Variants in CDH8 observed in about 807,000 individuals in gnomAD.
The protein encoded by CDH8 is cadherin 8.
In CDH8, 17 loss-of-function variants were observed where a neutral mutation model predicts 68.1. That is an observed-to-expected ratio of 0.25 (90% CI 0.17 to 0.37). The LOEUF (loss-of-function observed/expected upper bound fraction) is 0.37. Among genes scored for constraint, CDH8 ranks in the 10% least tolerant of loss-of-function variants. The pLI, the probability that CDH8 is intolerant of heterozygous loss-of-function variation, is 1.00. For synonymous variants in CDH8, 372 were observed against 365.1 expected (o/e 1.02, Z -0.21); for missense variants, 763 against 999.3 (o/e 0.76, Z 3.19).
intron 10 of CDH8, among the ~76,000 whole-genome samples, chr16:61,704,092 A>G (rs1411543459): frequency 6.6e-6 from 1 of 152,180 alleles, no homozygotes; most frequent in African/African-American, 2.4e-5. Context: ...TTGTCTTTAA[A>G]AAACTTTTTT....
intron 7 of CDH8, among the ~76,000 whole-genome samples, chr16:61,793,122 A>T (rs779053509): frequency 6.6e-6 from 1 of 151,922 alleles, no homozygotes; most frequent in Non-Finnish European, 1.5e-5. Context: ...CCCTTCCTCC[A>T]TTGTGAGGAC....
intron 10 of CDH8, among the ~76,000 whole-genome samples, chr16:61,691,568 A>G (rs896981440): frequency 6.7e-6 from 1 of 150,204 alleles, no homozygotes; most frequent in Non-Finnish European, 1.5e-5. Context: ...AAGCAAATCA[A>G]TGATTTGGGG....
chr16:61,820,313 G>GGTTT (rs1962181418), intron 6 of CDH8, among the ~76,000 whole-genome samples: 2 of 92,962 alleles, frequency 2.2e-5, no homozygotes, highest in Non-Finnish European at 3.9e-5. Flanking sequence ...CTGCCTGTTT[G>GGTTT]GTTTTTTTTT....
chr16:61,733,968 T>G (rs1016028506), intron 8 of CDH8, among the ~76,000 whole-genome samples: 1 of 152,062 alleles, frequency 6.6e-6, no homozygotes, highest in African/African-American at 2.4e-5. Context: ...AATTCATTCA[T>G]TTTCTTGATA....
chr16:61,843,460 C>T (rs1962730768), intron 4 of CDH8, among the ~76,000 whole-genome samples: 1 of 152,082 alleles, frequency 6.6e-6, no homozygotes. Context: ...AATGGGATCT[C>T]AGGGATATGG....
intron 10 of CDH8, among the ~76,000 whole-genome samples, chr16:61,674,433 G>A (rs56810516): frequency 0.035 from 4,956 of 142,526 alleles, 97 homozygotes; most frequent in South Asian, 0.052. Context: ...CAGCCGAGGT[G>A]ACAGTGCAAG....
intron 8 of CDH8, among the ~76,000 whole-genome samples, chr16:61,763,269 G>T (rs913055099): frequency 6.6e-6 from 1 of 152,122 alleles, no homozygotes; most frequent in African/African-American, 2.4e-5. Flanking sequence ...GTCATGAATT[G>T]CATACACACG....
intron 2 of CDH8, among the ~76,000 whole-genome samples, chr16:62,020,903 A>G (rs1174788135): frequency 6.6e-6 from 1 of 152,162 alleles, no homozygotes; most frequent in Non-Finnish European, 1.5e-5. Flanking sequence ...TTTTTGCATT[A>G]TATAAGCAGT....
At chr16:61,822,602 A>G (rs1324200741) in intron 5 of CDH8, among the ~76,000 whole-genome samples, 1 of 151,872 alleles carries the variant, frequency 6.6e-6, no homozygotes, top group African/African-American at 2.4e-5. Flanking sequence ...CATCTCTCTT[A>G]GAATCACGAA....
chr16:61,974,337 G>A (rs979245450), intron 2 of CDH8, among the ~76,000 whole-genome samples: 4 of 152,174 alleles, frequency 2.6e-5, no homozygotes, highest in African/African-American at 9.7e-5. Flanking sequence ...ATGGGAATGG[G>A]TACCAACCTG....
intron 10 of CDH8, among the ~76,000 whole-genome samples, chr16:61,685,789 G>T (rs1228354405): frequency 6.6e-6 from 1 of 151,806 alleles, no homozygotes; most frequent in East Asian, 1.9e-4. Flanking sequence ...AGCTTGACTT[G>T]CTTCACCCAT....
chr16:61,673,646 C>G (rs777234784), intron 10 of CDH8, among the ~76,000 whole-genome samples: 2 of 152,076 alleles, frequency 1.3e-5, no homozygotes, highest in Admixed American at 1.3e-4. Context: ...TATATTTGTT[C>G]TTTCTTGTCC....
chr16:61,916,936 G>A (rs1964247908), intron 2 of CDH8, among the ~76,000 whole-genome samples: 1 of 152,136 alleles, frequency 6.6e-6, no homozygotes, highest in Admixed American at 6.6e-5. Flanking sequence ...ATGAAGTGCT[G>A]ACATTAAAGA....
At chr16:61,718,380 T>C (rs1332485715) in intron 9 of CDH8, among the ~76,000 whole-genome samples, 1 of 151,426 alleles carries the variant, frequency 6.6e-6, no homozygotes, top group African/African-American at 2.4e-5. Flanking sequence ...TATATGTCTA[T>C]CTCTAGGAAG....
At chr16:62,031,279 G>T (rs543876420) in intron 1 of CDH8, among the ~76,000 whole-genome samples, 1 of 152,060 alleles carries the variant, frequency 6.6e-6, no homozygotes, top group Admixed American at 6.5e-5. Flanking sequence ...GAGTAAGATT[G>T]ATTTGAAAAA....
Position 61,821,103 on chromosome 16 carries a change from G to C in CDH8, c.846C>G (p.His282Gln), listed in dbSNP as rs186698627. 2 of 1,609,526 alleles carry C rather than the reference G, an allele frequency of 1.2e-6. No homozygotes were observed. The highest frequency in any genetic ancestry group is 1.7e-5 in the Admixed American group (1 of 59,638). The change falls in exon 6 of 12, where the codon CAC becomes CAG. Residue 282 changes from histidine (H) to glutamine (Q), a missense_variant. His to Gln is a conservative substitution (Grantham distance 24). Around this residue, in one of 2 missense-constraint regions of CDH8, gnomAD observed 366 missense variants for 563.1 expected, o/e 0.65. Transcript: ENST00000577390. ...GAACCACATCTTCCGGTACTGAGAA[G>C]TGATACAGGCCTTTAAAAAGAGGAG... ...NPPKFAQSLY[H>Q]FSVPEDVVLG...
intron 2 of CDH8, among the ~76,000 whole-genome samples, chr16:61,931,941 C>T (rs946086490): frequency 6.6e-6 from 1 of 152,136 alleles, no homozygotes; most frequent in African/African-American, 2.4e-5. Flanking sequence ...GGCGCTATGG[C>T]TCACCCCTGT....
chr16:61,779,873 G>A (rs185200487), intron 8 of CDH8, among the ~76,000 whole-genome samples: 2 of 152,266 alleles, frequency 1.3e-5, no homozygotes, highest in East Asian at 1.9e-4. Context: ...AAGAAATGAT[G>A]TAGCAGTATC....
chr16:61,763,179 A>T (rs1036072334), intron 8 of CDH8, among the ~76,000 whole-genome samples: 2 of 152,166 alleles, frequency 1.3e-5, no homozygotes, highest in Admixed American at 6.6e-5. Context: ...AGCACTGTGC[A>T]AAACTGCCCA....
Sources: gnomAD v4.1 joint callset for allele counts (sites outside exome capture counted in the v4.1 genomes callset) on GRCh38, gnomAD v4.1.1 for gene constraint, gnomAD v4.1.1 regional missense constraint, MANE v1.5 for transcripts, NCBI Gene and HGNC (gene_info 2026-07-23, HGNC 2026-07-21) for gene names.